The following KDM1A variants were observed in gnomAD, a reference collection of about 807,000 sequenced individuals.
KDM1A encodes lysine-specific histone demethylase 1A.
A neutral mutation model predicts 109.4 loss-of-function variants in KDM1A; 49 were observed. The ratio of observed to expected loss-of-function variants is 0.45; its 90% confidence interval spans 0.36 to 0.57. KDM1A has a LOEUF of 0.57. Among genes scored for constraint, KDM1A ranks in the 20% least tolerant of loss-of-function variants. The pLI is 0.00. For synonymous variants in KDM1A, 380 were observed against 415.4 expected, an observed-to-expected ratio of 0.91 and a Z score of 1.04; for missense variants, 668 against 1,116.6, an observed-to-expected ratio of 0.60 and a Z score of 5.73.
Position 23,079,689 on chromosome 1 carries a change from T to C in KDM1A, c.2170+22T>C, listed in dbSNP as rs559141169. 1 of 1,451,076 alleles carries C rather than the reference T, an allele frequency of 6.9e-7. No individual in the cohort carries two copies. Among genetic ancestry groups the C allele is most frequent in the Non-Finnish European group, 9.6e-7 (1 of 1,047,090 alleles). The allele number at this position is 1,451,076 out of a possible 1,614,324, so 89.9% of individuals were successfully genotyped here. On this transcript the variant is annotated intron_variant, in intron 18 of 20. Transcript: ENST00000400181. This position sits in a 1 kb window ranked among gnomAD's most constrained non-coding sequence, Gnocchi z 5.6. ...AAAGGTAAATGCCTTCTAATTTTAATCTTTTCCATATCCTTACAGGAATAT... is the reference window on the plus strand; with the variant it reads ...AAAGGTAAATGCCTTCTAATTTTAACCTTTTCCATATCCTTACAGGAATAT...
intron 1 of KDM1A, among the ~76,000 whole-genome samples, chr1:23,029,627 A>G (rs1486654595): frequency 6.6e-6 from 1 of 151,840 alleles, no homozygotes; most frequent in Non-Finnish European, 1.5e-5. Context: ...CTTATTCCTT[A>G]ATTTATCTTA....
intron 2 of KDM1A, among the ~76,000 whole-genome samples, chr1:23,044,010 GA>G (rs1557532165): frequency 6.6e-6 from 1 of 152,172 alleles, no homozygotes; most frequent in Admixed American, 6.5e-5. Context: ...ATTAAAATTA[GA>G]AAGTTAAACG....
intron 2 of KDM1A, among the ~76,000 whole-genome samples, chr1:23,037,962 A>G (rs1346100706): frequency 5.3e-5 from 8 of 152,180 alleles, no homozygotes; most frequent in Non-Finnish European, 8.8e-5. Flanking sequence ...TCATGTTGTA[A>G]TAGAAGAACA....
Position 23,077,325 on chromosome 1 carries a change from A to T in KDM1A, c.1832A>T (p.Asn611Ile). The T allele has an allele frequency of 6.2e-7, 1 of 1,613,984 alleles. No homozygotes were observed. The highest frequency in any genetic ancestry group is 8.5e-7 in the Non-Finnish European group (1 of 1,179,840). The change falls in exon 16 of 21, where the codon AAT (asparagine) becomes ATT (isoleucine). Residue 611 changes from asparagine (N) to isoleucine (I), a missense_variant. Asn to Ile is a moderately radical substitution (Grantham distance 149, BLOSUM62 -3). Coordinates refer to ENST00000400181, the MANE Select transcript of KDM1A (RefSeq NM_001009999.3). ...ALAEGLDIKL[N>I]TAVRQVRYTA... The stretch of plus-strand genomic sequence containing the variant: ...GCAGAAGGCCTAGACATTAAACTGA[A>T]TACAGCAGTGCGACAGGTTCGCTAC...
intron 20 of KDM1A, 70 bp downstream of exon 20, chr1:23,082,436 T>C: frequency 6.8e-7 from 1 of 1,470,588 alleles, no homozygotes; most frequent in Non-Finnish European, 9.1e-7. Context: ...CCTGATTTTT[T>C]TTTTTTTTTT....
At chr1:23,051,941 A>C (rs1642681756) in intron 4 of KDM1A, among the ~76,000 whole-genome samples, 2 of 152,266 alleles carry the variant, frequency 1.3e-5, no homozygotes, top group Non-Finnish European at 2.9e-5. Context: ...AAAAGTGAAC[A>C]GAAAATTCTT....
chr1:23,034,911 T>C (rs1383628618), intron 2 of KDM1A, among the ~76,000 whole-genome samples: 23 of 152,208 alleles, frequency 1.5e-4, no homozygotes, highest in Admixed American at 1.5e-3. Flanking sequence ...TGTGTGTATA[T>C]GCATGTGAGT....
At chr1:23,055,799 T>A in intron 6 of KDM1A, 133 bp from the exon 7 acceptor site, 1 of 441,058 alleles carries the variant, frequency 2.3e-6, no homozygotes, top group Non-Finnish European at 4.0e-6. Context: ...TTTCCATATT[T>A]TGAAAATAAC....
Position 23,072,217 on chromosome 1 carries a change from A to C in KDM1A, c.1622+20A>C. Reference sequence around the variant, plus strand: ...CCCAAGGTAAGGAAAACAAACACAAAAGTTCAGAGGGAGAGCTTTTACTGT... The same window carrying C: ...CCCAAGGTAAGGAAAACAAACACAACAGTTCAGAGGGAGAGCTTTTACTGT... On this transcript the variant is annotated intron_variant, in intron 14 of 20. Coordinates refer to ENST00000400181, the MANE Select transcript of KDM1A (RefSeq NM_001009999.3). The C allele has an allele frequency of 1.9e-6, 3 of 1,563,190 alleles. No homozygotes were observed. Among genetic ancestry groups the C allele is most frequent in the Middle Eastern group, 1.7e-4 (1 of 5,998 alleles).
At chr1:23,070,335 G>A (rs945671608) in intron 12 of KDM1A, among the ~76,000 whole-genome samples, 2 of 152,156 alleles carry the variant, frequency 1.3e-5, no homozygotes, top group Admixed American at 1.3e-4. Context: ...GCTGGGCATG[G>A]TAGCACACAC....
chr1:23,058,785 GATATT>G (rs1361897762), intron 8 of KDM1A, among the ~76,000 whole-genome samples: 1 of 152,154 alleles, frequency 6.6e-6, no homozygotes, highest in Non-Finnish European at 1.5e-5. Flanking sequence ...AAGTTGAAAA[GATATT>G]ATAAAACAAT....
chr1:23,075,878 C>T (rs1391194876), intron 15 of KDM1A, among the ~76,000 whole-genome samples: 6 of 151,794 alleles, frequency 4.0e-5, no homozygotes, highest in South Asian at 2.1e-4. Context: ...ACCCAGGAGG[C>T]GGAGGTTGCA....
At chr1:23,040,980 C>G (rs9919326) in intron 2 of KDM1A, among the ~76,000 whole-genome samples, 6,054 of 152,198 alleles carry the variant, frequency 0.04, 410 homozygotes, top group African/African-American at 0.14. Context: ...GCTAACAGCG[C>G]TACTTGCCTG....
chr1:23,045,023 G>A (rs1642462945), intron 3 of KDM1A, among the ~76,000 whole-genome samples: 3 of 152,168 alleles, frequency 2.0e-5, no homozygotes, highest in Admixed American at 1.3e-4. Context: ...TGTTTCTCAT[G>A]TGAAAAATGT....
intron 2 of KDM1A, among the ~76,000 whole-genome samples, chr1:23,042,617 T>A (rs1218235370): frequency 4.7e-5 from 7 of 150,230 alleles, no homozygotes; most frequent in African/African-American, 1.7e-4. Context: ...TACTCCCGGC[T>A]AATTTTTTGT....
intron 4 of KDM1A, among the ~76,000 whole-genome samples, chr1:23,050,889 A>C (rs1176648200): frequency 6.6e-6 from 1 of 152,142 alleles, no homozygotes; most frequent in Non-Finnish European, 1.5e-5. Flanking sequence ...GTTCGAGACC[A>C]CCCTGGCCAA....
At chr1:23,032,808 C>A (rs935143795) in intron 2 of KDM1A, among the ~76,000 whole-genome samples, 13 of 152,180 alleles carry the variant, frequency 8.5e-5, no homozygotes, top group Non-Finnish European at 1.3e-4. Flanking sequence ...GTTTCTAAGT[C>A]TTTTGTCTTT....
intron 16 of KDM1A, among the ~76,000 whole-genome samples, chr1:23,078,124 T>A (rs925669627): frequency 3.9e-5 from 6 of 152,168 alleles, no homozygotes; most frequent in African/African-American, 1.4e-4. Flanking sequence ...GCGCTGCCCC[T>A]TTCCTTGGAG....
At chr1:23,027,382 T>A (rs1026770917) in intron 1 of KDM1A, among the ~76,000 whole-genome samples, 2 of 151,162 alleles carry the variant, frequency 1.3e-5, no homozygotes, top group African/African-American at 4.8e-5. Context: ...TTTGACAAAT[T>A]GTGCAAAAGG....
Sources: gnomAD v4.1 joint callset for allele counts (sites outside exome capture counted in the v4.1 genomes callset) on GRCh38, gnomAD v4.1.1 for gene constraint, Gnocchi (gnomAD v3.1) non-coding constraint, MANE v1.5 for transcripts, NCBI Gene and HGNC (gene_info 2026-07-23, HGNC 2026-07-21) for gene names.